KCNK1: variants seen among roughly 807,000 people sequenced by gnomAD.
KCNK1 encodes the protein potassium two pore domain channel subfamily K member 1, also known as potassium channel subfamily K member 1.
KCNK1 carries 10 observed loss-of-function variants against 22.2 expected under a neutral mutation model. The ratio of observed to expected loss-of-function variants is 0.45; its 90% CI spans 0.28 to 0.76. KCNK1 has a LOEUF of 0.76. Among genes scored for constraint, KCNK1 ranks in the 30% least tolerant of loss-of-function variants. The pLI, the probability that KCNK1 is intolerant of heterozygous loss-of-function variation, is 0.14. For synonymous variants in KCNK1, 200 were observed against 186.4 expected, an observed-to-expected ratio of 1.07 and a Z score of -0.60; for missense variants, 378 against 421.0, an observed-to-expected ratio of 0.90 and a Z score of 0.89.
chr1:233,646,534 T>TATTATC (rs767971040), intron 1 of KCNK1, among the ~76,000 whole-genome samples: 1 of 141,820 alleles, frequency 7.1e-6, no homozygotes, highest in African/African-American at 2.9e-5. Flanking sequence ...TTGGCACCAT[T>TATTATC]ATTATTATTA....
chr1:233,649,506 A>G (rs1338088558), intron 1 of KCNK1, among the ~76,000 whole-genome samples: 2 of 152,236 alleles, frequency 1.3e-5, no homozygotes, highest in Non-Finnish European at 2.9e-5. Flanking sequence ...TTGGATTGCT[A>G]TAACAAATTA....
intron 1 of KCNK1, among the ~76,000 whole-genome samples, chr1:233,618,712 C>A (rs1317191705): frequency 2.0e-5 from 3 of 152,010 alleles, no homozygotes; most frequent in Non-Finnish European, 4.4e-5. Context: ...GGTGAAACCC[C>A]ATCTCTATTA....
intron 1 of KCNK1, chr1:233,629,651 G>A (rs6695627): frequency 0.17 from 25,785 of 152,072 alleles, 5,726 homozygotes; most frequent in African/African-American, 0.51. Flanking sequence ...AGGGAAAGCC[G>A]GAGTTAGGCA....
At chr1:233,647,453 GT>G (rs2102899247) in intron 1 of KCNK1, among the ~76,000 whole-genome samples, 1 of 152,244 alleles carries the variant, frequency 6.6e-6, no homozygotes, top group Non-Finnish European at 1.5e-5. Context: ...TGAGGTGAAT[GT>G]TTTGAGGTCT....
chr1:233,656,661 G>A (rs1007895754), intron 1 of KCNK1, among the ~76,000 whole-genome samples: 1 of 152,066 alleles, frequency 6.6e-6, no homozygotes, highest in East Asian at 1.9e-4. Flanking sequence ...TCGTCGTCTA[G>A]GCTGGAGTGC....
intron 1 of KCNK1, among the ~76,000 whole-genome samples, chr1:233,618,614 G>A (rs188574953): frequency 2.6e-5 from 4 of 152,268 alleles, no homozygotes; most frequent in South Asian, 2.1e-4. Context: ...GCCCAGGCGC[G>A]GTGGCTCACG....
At chr1:233,629,898 C>A (rs2102887567) in intron 1 of KCNK1, 1 of 152,336 alleles carries the variant, frequency 6.6e-6, no homozygotes, top group East Asian at 1.9e-4. Context: ...CAACCCAAAC[C>A]CGACTAGAAA....
intron 1 of KCNK1, among the ~76,000 whole-genome samples, chr1:233,640,020 A>G (rs1380948318): frequency 1.3e-5 from 2 of 152,210 alleles, no homozygotes; most frequent in Non-Finnish European, 2.9e-5. Context: ...GAGGATTTAC[A>G]AAGGGGACTG....
chr1:233,671,053 T>C (rs1658587477), intron 2 of KCNK1, among the ~76,000 whole-genome samples: 1 of 152,158 alleles, frequency 6.6e-6, no homozygotes, highest in Admixed American at 6.5e-5. Context: ...TCCAAGTTCA[T>C]AGGAGGTTAA....
intron 1 of KCNK1, among the ~76,000 whole-genome samples, chr1:233,650,713 A>G (rs946664648): frequency 6.6e-6 from 1 of 151,998 alleles, no homozygotes; most frequent in Non-Finnish European, 1.5e-5. Context: ...AGGGAGACAT[A>G]GCTAATAAGA....
chr1:233,641,156 A>T (rs1328922157), intron 1 of KCNK1, among the ~76,000 whole-genome samples: 3 of 152,206 alleles, frequency 2.0e-5, no homozygotes, highest in Non-Finnish European at 4.4e-5. Flanking sequence ...TCTATGTAGG[A>T]CACTCTGTAG....
intron 1 of KCNK1, among the ~76,000 whole-genome samples, chr1:233,620,269 CA>C (rs1181911153): frequency 6.6e-6 from 1 of 152,062 alleles, no homozygotes; most frequent in East Asian, 1.9e-4. Flanking sequence ...TACTGTCTCA[CA>C]AAAAAAGTTT....
At chr1:233,652,204 TTGGG>T (rs1464056598) in intron 1 of KCNK1, among the ~76,000 whole-genome samples, 5 of 152,150 alleles carry the variant, frequency 3.3e-5, no homozygotes, top group African/African-American at 1.2e-4. Flanking sequence ...GAGCTCCTGC[TTGGG>T]TGGGTTAGAT....
chr1:233,634,882 A>G (rs774194017), intron 1 of KCNK1, among the ~76,000 whole-genome samples: 9 of 152,246 alleles, frequency 5.9e-5, no homozygotes, highest in Non-Finnish European at 1.0e-4. Flanking sequence ...TGAAGTGGTC[A>G]TTATGTCCAG....
At chr1:233,614,578 C>T (rs756079855) in intron 1 of KCNK1, 52 bp downstream of exon 1, 2 of 1,423,756 alleles carry the variant, frequency 1.4e-6, no homozygotes, top group Non-Finnish European at 1.9e-6. Context: ...GCCCACAACC[C>T]ACACACCCCG....
intron 1 of KCNK1, chr1:233,629,919 G>A (rs1657761689): frequency 6.6e-6 from 1 of 152,190 alleles, no homozygotes; most frequent in Admixed American, 6.5e-5. Flanking sequence ...GCCTGGGTGA[G>A]TAGCGAAGTT....
chr1:233,658,204 A>G (rs1439936676), intron 1 of KCNK1, among the ~76,000 whole-genome samples: 1 of 152,216 alleles, frequency 6.6e-6, no homozygotes, highest in Admixed American at 6.5e-5. Flanking sequence ...GGGAAAAGAA[A>G]CCATACAGAA....
intron 1 of KCNK1, among the ~76,000 whole-genome samples, chr1:233,625,801 A>G (rs1657679156): frequency 6.6e-6 from 1 of 152,096 alleles, no homozygotes; most frequent in African/African-American, 2.4e-5. Flanking sequence ...GGAGTGCCTT[A>G]TGCAGTTTTC....
chr1:233,648,418 A>G (rs1010427559), intron 1 of KCNK1, among the ~76,000 whole-genome samples: 22 of 152,272 alleles, frequency 1.4e-4, no homozygotes, highest in Non-Finnish European at 5.9e-5. Flanking sequence ...TGTTTCATCC[A>G]TCCCACATAC....
Sources: allele counts gnomAD v4.1 joint callset (sites outside exome capture counted in the v4.1 genomes callset), GRCh38; gene constraint gnomAD v4.1.1; transcripts MANE v1.5; gene names NCBI Gene and HGNC (gene_info 2026-07-23, HGNC 2026-07-21).